The following SLC36A3 variants were observed in gnomAD, a reference collection of about 807,000 sequenced individuals.
SLC36A3 encodes the protein solute carrier family 36 member 3.
Under a neutral mutation model 44.3 loss-of-function variants are expected in SLC36A3, and 35 were observed. That is an observed-to-expected ratio of 0.79 (90% CI 0.60 to 1.05). SLC36A3 has a LOEUF of 1.05. SLC36A3 is among the 50% of genes least tolerant of loss of function. SLC36A3 has a pLI of 0.00. For synonymous variants in SLC36A3, 211 were observed against 227.6 expected, an observed-to-expected ratio of 0.93 and a Z score of 0.66; for missense variants, 540 against 578.7, an observed-to-expected ratio of 0.93 and a Z score of 0.69.
At chr5:151,298,754 CCTT>C in intron 1 of SLC36A3, 71 bp from the exon 2 acceptor site, 4 of 1,508,420 alleles carry the variant, frequency 2.7e-6, no homozygotes, top group Non-Finnish European at 3.7e-6. Context: ...AACTCAGCCT[CCTT>C]CTGGCATCTC....
At chr5:151,284,808 C>G (rs1432027243) in intron 6 of SLC36A3, 97 bp from the exon 7 acceptor site, 11 of 707,502 alleles carry the variant, frequency 1.6e-5, no homozygotes, top group Non-Finnish European at 2.1e-5. Context: ...CTGATCTCAA[C>G]AGAGAAAATC....
intron 4 of SLC36A3, among the ~76,000 whole-genome samples, chr5:151,291,461 A>C (rs1754755530): frequency 6.6e-6 from 1 of 151,984 alleles, no homozygotes; most frequent in South Asian, 2.1e-4. Flanking sequence ...TGCAACTTTT[A>C]ATTTTTTGTT....
chr5:151,286,080 C>T lies in SLC36A3; in HGVS notation c.708+1166G>A, dbSNP rs187398039. 4.6e-5 allele frequency among the ~76,000 whole-genome samples: 7 copies of T among 152,200 alleles called. No individual in the cohort carries two copies. The East Asian group carries it at 1.2e-3, about 25-fold the overall frequency. ...AAATGAAAGTATAATGGTGGGATTT[C>T]GTGGTCTGTGATAATGGAGCATGGA... On this transcript the variant is annotated intron_variant, in intron 6 of 9. Coordinates refer to ENST00000335230, the MANE Select transcript of SLC36A3 (RefSeq NM_181774.4).
intron 9 of SLC36A3, among the ~76,000 whole-genome samples, chr5:151,278,145 T>C (rs1690616070): frequency 6.6e-6 from 1 of 152,216 alleles, no homozygotes; most frequent in African/African-American, 2.4e-5. Context: ...GTAGTATCTA[T>C]ATAATATAGC....
chr5:151,276,378 T>C lies in SLC36A3; in HGVS notation c.*1015A>G, dbSNP rs1754097198. Among the ~76,000 whole-genome samples, 1 of 152,246 alleles carries C rather than the reference T, an allele frequency of 6.6e-6. No homozygotes were observed. Among genetic ancestry groups the C allele is most frequent in the South Asian group, 2.1e-4 (1 of 4,834 alleles). On this transcript the variant is annotated 3_prime_UTR_variant, in exon 10 of 10. Transcript: ENST00000335230. ...TATTCTTTTTTTGGTCTGGATTTTG[T>C]CATTCAGCATATTTATTTTAAGATT... is the stretch of plus-strand genomic sequence containing the variant.
At chr5:151,297,016 A>G (rs1269677214) in intron 2 of SLC36A3, 2 of 152,222 alleles carry the variant, frequency 1.3e-5, no homozygotes, top group Admixed American at 1.3e-4. Context: ...TGTTCTGAAC[A>G]CTTGTGTCTT....
chr5:151,291,442 T>G (rs1251763356), intron 4 of SLC36A3, among the ~76,000 whole-genome samples: 1 of 152,208 alleles, frequency 6.6e-6, no homozygotes, highest in Non-Finnish European at 1.5e-5. Context: ...GCCCTGTTTA[T>G]TTTTTCCTTG....
chr5:151,280,156 A>G (rs1053342870), intron 9 of SLC36A3, among the ~76,000 whole-genome samples: 1 of 152,134 alleles, frequency 6.6e-6, no homozygotes, highest in South Asian at 2.1e-4. Context: ...AGAAGAGTAC[A>G]GCCAAAAAAT....
At position 151,303,512 on chromosome 5, in the gene SLC36A3, A is replaced by T; in HGVS notation, c.-158T>A. 1 of 705,582 alleles carries T rather than the reference A, an allele frequency of 1.4e-6. No homozygotes were observed. The highest frequency in any genetic ancestry group is 2.2e-6 in the Non-Finnish European group (1 of 444,474). 43.7% of individuals were successfully genotyped at this position (705,582 alleles called of 1,614,324 possible). A position where few individuals can be genotyped will look rare whatever the true frequency, so the allele number is the denominator to read the frequency against. Reference sequence around the variant, plus strand: ...GGCTGAAGCCTGAAGTGCATGAATCAGGGAAGCGGTGGTGGCAGGAGAGGC... The same window carrying T: ...GGCTGAAGCCTGAAGTGCATGAATCTGGGAAGCGGTGGTGGCAGGAGAGGC... On this transcript the variant is annotated 5_prime_UTR_variant, in exon 1 of 10. Coordinates refer to ENST00000335230, the MANE Select transcript of SLC36A3 (RefSeq NM_181774.4).
intron 7 of SLC36A3, 118 bp downstream of exon 7, chr5:151,284,495 C>T (rs893733543): frequency 1.7e-5 from 14 of 809,436 alleles, no homozygotes; most frequent in Admixed American, 2.8e-5. Flanking sequence ...TTCCCTTCAC[C>T]AGGAGAAGAT....
At chr5:151,293,223 G>A (rs1196242545) in intron 4 of SLC36A3, 141 bp downstream of exon 4, 1 of 696,036 alleles carries the variant, frequency 1.4e-6, no homozygotes, top group South Asian at 2.2e-5. Flanking sequence ...TGAGATGGGG[G>A]ATGGGGTTAT....
intron 9 of SLC36A3, among the ~76,000 whole-genome samples, chr5:151,278,022 A>G (rs532837609): frequency 6.6e-6 from 1 of 152,328 alleles, no homozygotes; most frequent in South Asian, 2.1e-4. Context: ...GGGATGCCCC[A>G]TCTAAGGTCC....
intron 9 of SLC36A3, 54 bp downstream of exon 9, chr5:151,280,960 A>T: frequency 6.2e-7 from 1 of 1,607,558 alleles, no homozygotes; most frequent in Non-Finnish European, 8.5e-7. Context: ...GGTGGGCGCC[A>T]GCGTGGCTCC....
At chr5:151,296,386 G>T in intron 2 of SLC36A3, 118 bp from the exon 3 acceptor site, 1 of 801,138 alleles carries the variant, frequency 1.2e-6, no homozygotes, top group Non-Finnish European at 2.1e-6. Context: ...TGGGGTGACA[G>T]ACCCAGCCTG....
At chr5:151,288,348 T>C in intron 5 of SLC36A3, 38 bp downstream of exon 5, 1 of 1,512,812 alleles carries the variant, frequency 6.6e-7, no homozygotes, top group Non-Finnish European at 9.0e-7. Context: ...GCAGGAGGTC[T>C]GCTTTTCCCC....
intron 4 of SLC36A3, 132 bp downstream of exon 4, chr5:151,293,232 A>C (rs1311097658): frequency 1.4e-6 from 1 of 739,460 alleles, no homozygotes; most frequent in Non-Finnish European, 2.2e-6. Flanking sequence ...GGATGGGGTT[A>C]TCGAGGTGAT....
chr5:151,289,385 T>C lies in SLC36A3; in HGVS notation c.405-915A>G, dbSNP rs143876377. 1.5e-4 allele frequency among the ~76,000 whole-genome samples: 23 copies of C among 152,110 alleles called. No individual in the cohort carries two copies. The East Asian group carries it at 4.5e-3, about 29-fold the overall frequency. The stretch of plus-strand genomic sequence containing the variant: ...TGAAGGTTTGTATATTGCATTTGGC[T>C]ACATCTCTAGCCAAGTGGGAGGATC... On this transcript the variant is annotated intron_variant, in intron 4 of 9. Coordinates refer to ENST00000335230, the MANE Select transcript of SLC36A3 (RefSeq NM_181774.4).
At chr5:151,292,916 G>A (rs570952588) in intron 4 of SLC36A3, among the ~76,000 whole-genome samples, 9 of 152,234 alleles carry the variant, frequency 5.9e-5, no homozygotes, top group Middle Eastern at 3.4e-3. Context: ...CCCAGGAGGC[G>A]GAGGTTGCAG....
At chr5:151,301,110 C>T (rs1489885237) in intron 1 of SLC36A3, among the ~76,000 whole-genome samples, 2 of 152,186 alleles carry the variant, frequency 1.3e-5, no homozygotes, top group East Asian at 1.9e-4. Context: ...GAAATCAGAC[C>T]TAACCAACTC....
Sources: gnomAD v4.1 joint callset for allele counts (sites outside exome capture counted in the v4.1 genomes callset) on GRCh38, gnomAD v4.1.1 for gene constraint, MANE v1.5 for transcripts, NCBI Gene and HGNC (gene_info 2026-07-23, HGNC 2026-07-21) for gene names.